Variants in MRTFB observed in about 807,000 individuals in gnomAD.
MRTFB encodes myocardin related transcription factor B, also known as myocardin-related transcription factor B.
A neutral mutation model predicts 104.2 loss-of-function variants in MRTFB; 29 were observed. The ratio of observed to expected loss-of-function variants is 0.28; its 90% confidence interval spans 0.21 to 0.38. MRTFB has a LOEUF of 0.38. MRTFB is among the 10% of genes least tolerant of loss of function. MRTFB has a pLI of 1.00. For synonymous variants in MRTFB, 535 were observed against 519.5 expected (o/e 1.03, Z -0.41); for missense variants, 1,270 against 1,341.6 (o/e 0.95, Z 0.83).
Position 14,261,427 on chromosome 16 carries a change from C to A in MRTFB, c.3283C>A (p.Pro1095Thr), listed in dbSNP as rs758790162. 3 of 1,602,008 alleles carry A rather than the reference C, an allele frequency of 1.9e-6. No individual in the cohort carries two copies. Among genetic ancestry groups the A allele is most frequent in the Non-Finnish European group, 1.7e-6 (2 of 1,171,170 alleles). ...SADFLDPQDL[P>T]LPWD Reference sequence around the variant, plus strand: ...TGACTTTCTAGACCCACAGGACCTACCGCTGCCATGGGACTAACGTCACAG... The same window carrying A: ...TGACTTTCTAGACCCACAGGACCTAACGCTGCCATGGGACTAACGTCACAG... Residue 1095 changes from proline to threonine, a missense_variant, in exon 17 of 17, where the codon CCG becomes ACG. By Grantham distance (38) the Pro-to-Thr change is conservative. Around this residue, in one of 3 missense-constraint regions of MRTFB, gnomAD observed 1,144 missense variants for 1,131.5 expected, o/e 1.01. Transcript: ENST00000571589.
At position 14,263,485 on chromosome 16, in the gene MRTFB, A is replaced by T. The variant is rs2043845024; in HGVS notation, c.*2041A>T. ...TGAGCATCTTCTTCATTCAGATTTG[A>T]ATGGCTTATTAAATTAGCACCAAAT... On this transcript the variant is annotated 3_prime_UTR_variant, in exon 17 of 17. Transcript: ENST00000571589. The T allele has an allele frequency of 1.3e-5, 2 of 152,202 alleles. No homozygotes were observed. The highest frequency in any genetic ancestry group is 4.8e-5 in the African/African-American group (2 of 41,444). The allele number at this position is 152,202 out of a possible 1,614,324, so 9.4% of individuals were successfully genotyped here. A position where few individuals can be genotyped will look rare whatever the true frequency, so the allele number is the denominator to read the frequency against.
intron 2 of MRTFB, among the ~76,000 whole-genome samples, chr16:14,126,078 T>C (rs184305017): frequency 1.1e-4 from 16 of 152,352 alleles, no homozygotes; most frequent in African/African-American, 3.6e-4. Flanking sequence ...TTTTACTGAT[T>C]GAACTTTAGA....
chr16:14,053,518 G>C, the MRTFB span, among the ~76,000 whole-genome samples: 1 of 152,158 alleles, frequency 6.6e-6, no homozygotes, highest in Non-Finnish European at 1.5e-5. Flanking sequence ...ATATCATGAG[G>C]TCAGGAGTTC....
chr16:14,007,086 C>A, the MRTFB span, among the ~76,000 whole-genome samples: 2 of 152,142 alleles, frequency 1.3e-5, no homozygotes, highest in South Asian at 2.1e-4. Flanking sequence ...TACAAGTCAC[C>A]AATTTAAAAT....
intron 3 of MRTFB, among the ~76,000 whole-genome samples, chr16:14,209,715 A>G (rs1253300075): frequency 6.6e-6 from 1 of 152,142 alleles, no homozygotes; most frequent in Non-Finnish European, 1.5e-5. Context: ...TGTTTGTGCA[A>G]AGATTACTAA....
At chr16:14,066,628 A>G (rs577791267), upstream of MRTFB, among the ~76,000 whole-genome samples, 10 of 151,264 alleles carry the variant, frequency 6.6e-5, no homozygotes, top group Middle Eastern at 6.9e-3. Flanking sequence ...CTTGATGGAA[A>G]CCATACCTTA....
At chr16:14,111,346 G>A (rs991541783) in intron 2 of MRTFB, among the ~76,000 whole-genome samples, 11 of 152,112 alleles carry the variant, frequency 7.2e-5, no homozygotes, top group Admixed American at 3.3e-4. Flanking sequence ...CTCACATCAA[G>A]TGGCCTTTGC....
the MRTFB span, among the ~76,000 whole-genome samples, chr16:14,001,419 C>T: frequency 0.031 from 4,775 of 152,316 alleles, 268 homozygotes; most frequent in African/African-American, 0.11. Flanking sequence ...CCAGCCCCAG[C>T]ATTCCCAGAA....
chr16:14,261,070 G>A lies in MRTFB; in HGVS notation c.2926G>A (p.Ala976Thr), dbSNP rs767676627. 4 of 1,614,068 alleles carry A rather than the reference G, an allele frequency of 2.5e-6. No individual in the cohort carries two copies. The highest frequency in any genetic ancestry group is 1.3e-5 in the African/African-American group (1 of 74,918). Residue 976 changes from alanine to threonine, a missense_variant, in exon 17 of 17, where the codon GCC (alanine) becomes ACC (threonine). Physicochemically the swap from Ala to Thr is moderately conservative, Grantham distance 58. Transcript: ENST00000571589. ...TTTAGAACCTATGGGCAGTTTATCT[G>A]CCAGCTTAGAGAACCAACTAGAAGC... is the stretch of plus-strand genomic sequence containing the variant. ...VSLEPMGSLSASLENQLEAFL... is the reference protein window; with the variant it reads ...VSLEPMGSLSTSLENQLEAFL...
the MRTFB span, among the ~76,000 whole-genome samples, chr16:13,996,630 T>C: frequency 6.6e-6 from 1 of 152,178 alleles, no homozygotes; most frequent in African/African-American, 2.4e-5. Flanking sequence ...ATGGGGAAGA[T>C]GGATATTAAT....
chr16:14,033,926 C>T, the MRTFB span, among the ~76,000 whole-genome samples: 1 of 151,616 alleles, frequency 6.6e-6, no homozygotes, highest in Non-Finnish European at 1.5e-5. Flanking sequence ...TAAGGAAATC[C>T]ACCATTTAAG....
intron 8 of MRTFB, 66 bp downstream of exon 8, chr16:14,219,064 G>T: frequency 7.1e-7 from 1 of 1,401,696 alleles, no homozygotes; most frequent in Non-Finnish European, 9.4e-7. Context: ...ATATATTAAG[G>T]TAATACACTT....
At chr16:14,058,535 C>G in the MRTFB span, among the ~76,000 whole-genome samples, 3 of 151,842 alleles carry the variant, frequency 2.0e-5, no homozygotes, top group Non-Finnish European at 4.4e-5. Flanking sequence ...CATTTCACAT[C>G]TGGGAAACAG....
intron 3 of MRTFB, among the ~76,000 whole-genome samples, chr16:14,205,768 T>C (rs2040913850): frequency 6.6e-6 from 1 of 152,232 alleles, no homozygotes; most frequent in African/African-American, 2.4e-5. Context: ...TGTATCCTTT[T>C]CTTGCATGAT....
At chr16:14,243,105 G>A (rs2042848065) in intron 10 of MRTFB, among the ~76,000 whole-genome samples, 2 of 151,866 alleles carry the variant, frequency 1.3e-5, no homozygotes, top group South Asian at 2.1e-4. Context: ...AAAATAAGGT[G>A]GAGAAACACT....
chr16:14,109,419 T>A (rs2036159367), intron 2 of MRTFB, among the ~76,000 whole-genome samples: 1 of 152,192 alleles, frequency 6.6e-6, no homozygotes, highest in Admixed American at 6.5e-5. Context: ...ATGAATAGTA[T>A]GAGGATATCA....
intron 3 of MRTFB, among the ~76,000 whole-genome samples, chr16:14,159,705 G>A (rs1193453916): frequency 6.6e-6 from 1 of 151,724 alleles, no homozygotes; most frequent in African/African-American, 2.4e-5. Flanking sequence ...CGAGGCGGGC[G>A]GATCACGAGG....
intron 2 of MRTFB, among the ~76,000 whole-genome samples, chr16:14,088,851 C>G (rs958516749): frequency 3.3e-5 from 5 of 152,180 alleles, no homozygotes; most frequent in Admixed American, 3.3e-4. Context: ...TCTGTGTAAT[C>G]AAAGAGAAGC....
At chr16:14,253,772 G>C (rs868498021) in intron 15 of MRTFB, among the ~76,000 whole-genome samples, 1 of 152,148 alleles carries the variant, frequency 6.6e-6, no homozygotes, top group Non-Finnish European at 1.5e-5. Flanking sequence ...CCGAGGGAAC[G>C]TAACTTTGAG....
Sources: gnomAD v4.1 joint callset for allele counts (sites outside exome capture counted in the v4.1 genomes callset) on GRCh38, gnomAD v4.1.1 for gene constraint, gnomAD v4.1.1 regional missense constraint, MANE v1.5 for transcripts, NCBI Gene and HGNC (gene_info 2026-07-23, HGNC 2026-07-21) for gene names.